The following TRADD variants were observed in gnomAD, a reference collection of about 807,000 sequenced individuals.
The protein encoded by TRADD is tumor necrosis factor receptor type 1-associated DEATH domain protein.
Under a neutral mutation model 31.5 loss-of-function variants are expected in TRADD, and 14 were observed. The observed-to-expected ratio is 0.44, with a 90% CI of 0.29 to 0.69. TRADD has a LOEUF of 0.69. Among genes scored for constraint, TRADD ranks in the 30% least tolerant of loss-of-function variants. TRADD has a pLI of 0.11. For missense variants in TRADD, 388 were observed against 435.7 expected, an observed-to-expected ratio of 0.89 and a Z score of 0.97; for synonymous variants, 220 against 215.8, an observed-to-expected ratio of 1.02 and a Z score of -0.17.
chr16:67,155,434 C>A lies in TRADD; in HGVS notation c.372G>T (p.Arg124=), dbSNP rs1374759724. 6.3e-7 allele frequency: 1 copy of A among 1,596,422 alleles called. No homozygotes were observed. Among genetic ancestry groups the A allele is most frequent in the African/African-American group, 1.3e-5 (1 of 74,890 alleles). ...CCTCGTCCGCCAGCAAAGCGTCCAGCCGCTCGGCGCCGGCGCGCAGCTCCA... is the reference window on the plus strand; with the variant it reads ...CCTCGTCCGCCAGCAAAGCGTCCAGACGCTCGGCGCCGGCGCGCAGCTCCA... ...LQLELRAGAE[R]LDALLADEER... The change falls in exon 3 of 5, where the codon CGG becomes CGT. Residue 124 remains arginine, a synonymous_variant. Coordinates refer to ENST00000345057, the MANE Select transcript of TRADD (RefSeq NM_003789.4).
chr16:67,155,327 T>A, intron 3 of TRADD, 33 bp from the exon 4 acceptor site: 1 of 1,608,108 alleles, frequency 6.2e-7, no homozygotes, highest in Non-Finnish European at 8.5e-7. Flanking sequence ...CACGGGGGAC[T>A]TAACCGCGGA....
intron 1 of TRADD, among the ~76,000 whole-genome samples, chr16:67,158,218 TGCAGTGGCACTATC>T (rs1312611271): frequency 1.3e-5 from 2 of 152,314 alleles, no homozygotes; most frequent in Admixed American, 1.3e-4. Context: ...CAGGCTGGAG[TGCAGTGGCACTATC>T]GCAGCTCACT....
intron 1 of TRADD, among the ~76,000 whole-genome samples, chr16:67,157,559 C>T (rs1311165445): frequency 6.6e-6 from 1 of 152,130 alleles, no homozygotes; most frequent in Non-Finnish European, 1.5e-5. Flanking sequence ...AAGTGCATTC[C>T]TAAGCATACT....
In TRADD at chr16:67,155,557, A is replaced by C; in HGVS notation, c.249T>G (p.Cys83Trp). Residue 83 changes from cysteine to tryptophan, a missense_variant, in exon 3 of 5, where the codon TGT becomes TGG. Transcript: ENST00000345057. The stretch of plus-strand genomic sequence containing the variant: ...CGCGGTAGGCGCGGAGGAAGCGGCC[A>C]CAGGGCTGCCGCCCGCAGAATCGCA... ...VQLRFCGRQP[C>W]GRFLRAYREG... 1 of 1,526,102 alleles carries C rather than the reference A, an allele frequency of 6.6e-7. No homozygotes were observed. The highest frequency in any genetic ancestry group is 8.7e-7 in the Non-Finnish European group (1 of 1,144,210). The allele number at this position is 1,526,102 out of a possible 1,614,324, so 94.5% of individuals were successfully genotyped here.
chr16:67,155,427 C>T lies in TRADD; in HGVS notation c.379G>A (p.Ala127Thr), dbSNP rs747356090. The T allele has an allele frequency of 1.3e-6, 2 of 1,597,044 alleles. No individual in the cohort carries two copies. The highest frequency in any genetic ancestry group is 2.2e-5 in the South Asian group (2 of 90,920). Reference protein sequence around the residue: ...ELRAGAERLDALLADEERCLS... With the variant: ...ELRAGAERLDTLLADEERCLS... Reference sequence around the variant, plus strand: ...CAGCGCTCCTCGTCCGCCAGCAAAGCGTCCAGCCGCTCGGCGCCGGCGCGC... The same window carrying T: ...CAGCGCTCCTCGTCCGCCAGCAAAGTGTCCAGCCGCTCGGCGCCGGCGCGC... The change falls in exon 3 of 5, where the codon GCT (alanine) becomes ACT (threonine). Residue 127 changes from alanine (A) to threonine (T), a missense_variant. Ala to Thr is a moderately conservative substitution (Grantham distance 58, BLOSUM62 0). Transcript: ENST00000345057.
In TRADD at chr16:67,159,814, CA is replaced by C. The variant is rs2030838116; in HGVS notation, c.-9+23del. ...CCTCTCCCGCCCGCACCGGGGAGCC[CA>C]CCCACCCACCTGCTGCACTAACCTG... On this transcript the variant is annotated intron_variant, in intron 1 of 4. Coordinates refer to ENST00000345057, the MANE Select transcript of TRADD (RefSeq NM_003789.4). The surrounding 1 kb of genome is among the most constrained non-coding windows in gnomAD (Gnocchi z 6.8). 6.6e-6 allele frequency: 1 copy of C among 152,296 alleles called. No individual in the cohort carries two copies. Among genetic ancestry groups the C allele is most frequent in the South Asian group, 2.1e-4 (1 of 4,838 alleles). The allele number at this position is 152,296 out of a possible 1,614,324, so 9.4% of individuals were successfully genotyped here. A position where few individuals can be genotyped will look rare whatever the true frequency, so the allele number is the denominator to read the frequency against.
chr16:67,154,380 C>T lies in TRADD; in HGVS notation c.*269G>A, dbSNP rs1354424618. ...TGAAACTGTAAGGGCTGGCTGTAAG[C>T]CCCGCTTCTGGGATGGGAGAAGGTG... On this transcript the variant is annotated 3_prime_UTR_variant, in exon 5 of 5. Transcript: ENST00000345057. This position sits in a 1 kb window ranked among gnomAD's most constrained non-coding sequence, Gnocchi z 5.2. The T allele has an allele frequency of 1.8e-5, 10 of 571,156 alleles. No homozygotes were observed. Among genetic ancestry groups the T allele is most frequent in the Non-Finnish European group, 2.5e-5 (8 of 318,590 alleles). The allele number at this position is 571,156 out of a possible 1,614,324, so 35.4% of individuals were successfully genotyped here. A position where few individuals can be genotyped will look rare whatever the true frequency, so the allele number is the denominator to read the frequency against.
At chr16:67,158,764 A>G (rs1169088772) in intron 1 of TRADD, among the ~76,000 whole-genome samples, 4 of 152,248 alleles carry the variant, frequency 2.6e-5, no homozygotes, top group African/African-American at 9.6e-5. Flanking sequence ...ATAGGGAGCC[A>G]GCCACGGAGG....
In TRADD at chr16:67,154,428, C is replaced by T; in HGVS notation, c.*221G>A. ...GTGAGGCTGATCTCCAAAGCAGGTC[C>T]CCCCCACCCCACACTCTATCAAAGT... On this transcript the variant is annotated 3_prime_UTR_variant, in exon 5 of 5. Transcript: ENST00000345057. This position sits in a 1 kb window ranked among gnomAD's most constrained non-coding sequence, Gnocchi z 5.2. The T allele has an allele frequency of 1.6e-6, 1 of 616,576 alleles. No homozygotes were observed. 38.2% of individuals were successfully genotyped at this position (616,576 alleles called of 1,614,324 possible).
At position 67,159,126 on chromosome 16, in the gene TRADD, T is replaced by C. The variant is rs778217767; in HGVS notation, c.-9+712A>G. ...TTCGCATCCGCCGACTGGCAGCTCT[T>C]CTTACGTGTTCTTTCACGGAAGCCC... On this transcript the variant is annotated intron_variant, in intron 1 of 4. Coordinates refer to ENST00000345057, the MANE Select transcript of TRADD (RefSeq NM_003789.4). This position sits in a 1 kb window ranked among gnomAD's most constrained non-coding sequence, Gnocchi z 6.8. Among the ~76,000 whole-genome samples, 4 of 152,328 alleles carry C rather than the reference T, an allele frequency of 2.6e-5. No homozygotes were observed. Among genetic ancestry groups the C allele is most frequent in the Non-Finnish European group, 4.4e-5 (3 of 68,028 alleles).
rs1448725323 is a variant in TRADD at position 67,154,229 on chromosome 16, A to G, written c.*420T>C. ...TGTTATACTTTATTATCATTGCTTA[A>G]CATTCGGGGTCCCACGCTGAGTGTG... On this transcript the variant is annotated 3_prime_UTR_variant, in exon 5 of 5. Coordinates refer to ENST00000345057, the MANE Select transcript of TRADD (RefSeq NM_003789.4). The surrounding 1 kb of genome is among the most constrained non-coding windows in gnomAD (Gnocchi z 5.2). The G allele has an allele frequency of 7.4e-6, 2 of 269,694 alleles. No homozygotes were observed. The highest frequency in any genetic ancestry group is 4.4e-5 in the African/African-American group (2 of 45,204). 16.7% of individuals were successfully genotyped at this position (269,694 alleles called of 1,614,324 possible).
rs1307837739 is a variant in TRADD at position 67,159,503 on chromosome 16, C to T, written c.-9+335G>A. On this transcript the variant is annotated intron_variant, in intron 1 of 4. Coordinates refer to ENST00000345057, the MANE Select transcript of TRADD (RefSeq NM_003789.4). This position sits in a 1 kb window ranked among gnomAD's most constrained non-coding sequence, Gnocchi z 6.8. Reference sequence around the variant, plus strand: ...GCTTCCCAGGCTCCCACTAGCCCACCCTCAAGCTGGGGTTTCGCACGTGCG... The same window carrying T: ...GCTTCCCAGGCTCCCACTAGCCCACTCTCAAGCTGGGGTTTCGCACGTGCG... Among the ~76,000 whole-genome samples, 3 of 152,218 alleles carry T rather than the reference C, an allele frequency of 2.0e-5. No homozygotes were observed. The highest frequency in any genetic ancestry group is 6.5e-5 in the Admixed American group (1 of 15,292).
chr16:67,155,590 G>C lies in TRADD; in HGVS notation c.216C>G (p.Ile72Met). ...GCCGCCCGCAGAATCGCAGCTGCAC[G>C]ATCAGCTGCGGGTCGCTGCGGTGGA... ...LKIHRSDPQL[I>M]VQLRFCGRQP... Residue 72 changes from isoleucine (I) to methionine (M), a missense_variant, in exon 3 of 5, where the codon ATC becomes ATG. Coordinates refer to ENST00000345057, the MANE Select transcript of TRADD (RefSeq NM_003789.4). The C allele has an allele frequency of 6.5e-7, 1 of 1,548,694 alleles. No individual in the cohort carries two copies. Among genetic ancestry groups the C allele is most frequent in the Non-Finnish European group, 8.7e-7 (1 of 1,154,782 alleles).
chr16:67,158,137 A>G (rs1416311504), intron 1 of TRADD, among the ~76,000 whole-genome samples: 1 of 152,274 alleles, frequency 6.6e-6, no homozygotes. Context: ...CGATTACAGG[A>G]GTAAGGCACT....
Position 67,156,104 on chromosome 16 carries a change from C to A in TRADD, c.151+406G>T. The A allele has an allele frequency of 3.0e-6, 4 of 1,349,860 alleles. No individual in the cohort carries two copies. Among genetic ancestry groups the A allele is most frequent in the Non-Finnish European group, 3.9e-6 (4 of 1,029,518 alleles). 83.6% of individuals were successfully genotyped at this position (1,349,860 alleles called of 1,614,324 possible). ...GCCGCTCTGAGGCCACGAACAGATC[C>A]CCCAACCCGCTTCAGCCTCCTGTGG... On this transcript the variant is annotated intron_variant, in intron 2 of 4. Coordinates refer to ENST00000345057, the MANE Select transcript of TRADD (RefSeq NM_003789.4). The surrounding 1 kb of genome is among the most constrained non-coding windows in gnomAD (Gnocchi z 4.6).
intron 1 of TRADD, among the ~76,000 whole-genome samples, chr16:67,158,612 T>C (rs938508076): frequency 6.6e-6 from 1 of 152,260 alleles, no homozygotes; most frequent in Non-Finnish European, 1.5e-5. Context: ...GTGATTTTTA[T>C]TTTCTTTGTA....
Position 67,156,062 on chromosome 16 carries a change from G to A in TRADD, c.152-408C>T, listed in dbSNP as rs542674168. ...ACCAAGCGCGACTCCCACTGCTCGG[G>A]AAGAAGAGGGGCTCTCGCCGCTCTG... is the stretch of plus-strand genomic sequence containing the variant. On this transcript the variant is annotated intron_variant, in intron 2 of 4. Transcript: ENST00000345057. This position sits in a 1 kb window ranked among gnomAD's most constrained non-coding sequence, Gnocchi z 4.6. 2,042 of 1,354,730 alleles carry A rather than the reference G, an allele frequency of 1.5e-3. 1 individual carries two copies. The highest frequency in any genetic ancestry group is 1.8e-3 in the Non-Finnish European group (1,892 of 1,032,706). The allele number at this position is 1,354,730 out of a possible 1,614,324, so 83.9% of individuals were successfully genotyped here.
Position 67,156,810 on chromosome 16 carries a change from G to C in TRADD, c.-8-142C>G, listed in dbSNP as rs761095772. 1.3e-5 allele frequency: 15 copies of C among 1,143,920 alleles called. No individual in the cohort carries two copies. The highest frequency in any genetic ancestry group is 1.9e-5 in the Non-Finnish European group (15 of 769,682). 70.9% of individuals were successfully genotyped at this position (1,143,920 alleles called of 1,614,324 possible). On this transcript the variant is annotated intron_variant, in intron 1 of 4. Transcript: ENST00000345057. The surrounding 1 kb of genome is among the most constrained non-coding windows in gnomAD (Gnocchi z 4.6). ...GTTCAGTTGTCCCCACCACTGGTTG[G>C]CATACTTGGGACAGGAGTTCACCAT...
At position 67,154,712 on chromosome 16, in the gene TRADD, G is replaced by C. The variant is rs751646364; in HGVS notation, c.876C>G (p.Asn292Lys). The C allele has an allele frequency of 1.2e-6, 2 of 1,612,656 alleles. No individual in the cohort carries two copies. The highest frequency in any genetic ancestry group is 1.7e-6 in the Non-Finnish European group (2 of 1,179,830). Residue 292 changes from asparagine to lysine, a missense_variant, in exon 5 of 5, where the codon AAC becomes AAG. Transcript: ENST00000345057. This position sits in a 1 kb window ranked among gnomAD's most constrained non-coding sequence, Gnocchi z 5.2. The part of the protein sequence containing the change: ...LQRLVEALEE[N>K]ELTSLAEDLL... ...AGTCCTCTGCCAGGCTGGTGAGCTC[G>C]TTCTCCTCGAGTGCCTCCACCAGGC...
Sources: allele counts gnomAD v4.1 joint callset (sites outside exome capture counted in the v4.1 genomes callset), GRCh38; gene constraint gnomAD v4.1.1; non-coding constraint Gnocchi (gnomAD v3.1); transcripts MANE v1.5; gene names NCBI Gene and HGNC (gene_info 2026-07-23, HGNC 2026-07-21).